SEZ6L2: variants seen among roughly 807,000 people sequenced by gnomAD.
The protein encoded by SEZ6L2 is seizure related 6 homolog like 2.
SEZ6L2 carries 44 observed loss-of-function variants against 97.0 expected under a neutral mutation model. The observed-to-expected ratio is 0.45, with a 90% CI of 0.36 to 0.58. SEZ6L2 has a LOEUF of 0.58. Among genes scored for constraint, SEZ6L2 ranks in the 20% least tolerant of loss-of-function variants. The pLI, the probability that SEZ6L2 is intolerant of heterozygous loss-of-function variation, is 0.00. For missense variants in SEZ6L2, 1,086 were observed against 1,233.3 expected (o/e 0.88, Z 1.79); for synonymous variants, 543 against 546.1 (o/e 0.99, Z 0.08).
rs2067905629 is a variant in SEZ6L2 at position 29,876,476 on chromosome 16, G to A, written c.2104+280C>T. 6.6e-6 allele frequency among the ~76,000 whole-genome samples: 1 copy of A among 152,130 alleles called. No homozygotes were observed. The highest frequency in any genetic ancestry group is 6.6e-5 in the Admixed American group (1 of 15,264). On this transcript the variant is annotated intron_variant, in intron 12 of 17. Transcript: ENST00000617533. This position sits in a 1 kb window ranked among gnomAD's most constrained non-coding sequence, Gnocchi z 6.5. ...GAGGGGTCAGGAGGGGACGGGGCGG[G>A]GCCGTGAGACGAGGAAACAGGGACC...
chr16:29,874,237 C>T (rs142139189), intron 12 of SEZ6L2, among the ~76,000 whole-genome samples: 1 of 152,176 alleles, frequency 6.6e-6, no homozygotes, highest in Non-Finnish European at 1.5e-5. Context: ...AAGCCCCTAT[C>T]CTGGGGTGAA....
Position 29,895,843 on chromosome 16 carries a change from T to C in SEZ6L2, c.529A>G (p.Ile177Val). 1 of 1,613,238 alleles carries C rather than the reference T, an allele frequency of 6.2e-7. No homozygotes were observed. The highest frequency in any genetic ancestry group is 1.1e-5 in the South Asian group (1 of 90,916). ...TCCACATACCCTTCGCCCTCGGAGA[T>C]GTTGTTATTACACAGAACTGAGGAG... ...VTSPVLCNNN[I>V]SEGEGYVESP... The change falls in exon 4 of 18, where the codon ATC (isoleucine) becomes GTC (valine). Residue 177 changes from isoleucine (I) to valine (V), a missense_variant. By Grantham distance (29) the Ile-to-Val change is conservative. Around this residue, in one of 2 missense-constraint regions of SEZ6L2, gnomAD observed 776 missense variants for 794.7 expected, o/e 0.98. Transcript: ENST00000617533.
Position 29,896,937 on chromosome 16 carries a change from T to TGGGGGGGGGG in SEZ6L2, c.395_396insCCCCCCCCCC (p.Ser136ThrfsTer15). 7.3e-7 allele frequency: 1 copy of TGGGGGGGGGG among 1,367,286 alleles called. No homozygotes were observed. The highest frequency in any genetic ancestry group is 1.0e-6 in the Non-Finnish European group (1 of 967,036). 84.7% of individuals were successfully genotyped at this position (1,367,286 alleles called of 1,614,324 possible). On this transcript the variant is annotated frameshift_variant, in exon 3 of 18. Transcript: ENST00000617533. LOFTEE classifies it high-confidence loss of function. ...CTGGGGAGGCAGGGCTGGGTGGGGGTGGGGCTGTGGTTCCTGGGGGCGGGG... is the reference window on the plus strand; with the variant it reads ...CTGGGGAGGCAGGGCTGGGTGGGGGTGGGGGGGGGGGGGGCTGTGGTTCCTGGGGGCGGGG...
rs1316245889 is a variant in SEZ6L2 at position 29,887,696 on chromosome 16, C to T, written c.1161G>A (p.Arg387=). The T allele has an allele frequency of 6.2e-7, 1 of 1,608,524 alleles. No individual in the cohort carries two copies. Among genetic ancestry groups the T allele is most frequent in the Non-Finnish European group, 8.5e-7 (1 of 1,176,672 alleles). ...AGACCCTTTCAAAGTGCAGGTGCAG[C>T]CGGCGCCCCTCAGCTGCTTCAATGA... ...RWVIEAAEGR[R]LHLHFERVSL... is the part of the protein sequence containing the mutation. The change falls in exon 7 of 18, where the codon CGG becomes CGA. Residue 387 remains arginine, a synonymous_variant. Coordinates refer to ENST00000617533, the MANE Select transcript of SEZ6L2 (RefSeq NM_001243332.2).
chr16:29,895,824 T>A lies in SEZ6L2; in HGVS notation c.548A>T (p.Tyr183Phe). The change falls in exon 4 of 18, where the codon TAT becomes TTT. Residue 183 changes from tyrosine to phenylalanine, a missense_variant. Coordinates refer to ENST00000617533, the MANE Select transcript of SEZ6L2 (RefSeq NM_001243332.2). ...CNNNISEGEG[Y>F]VESPDLGSPV... is the part of the protein sequence containing the mutation. ...GCTCCCCAGATCTGGAGACTCCACA[T>A]ACCCTTCGCCCTCGGAGATGTTGTT... 6.2e-7 allele frequency: 1 copy of A among 1,614,018 alleles called. No homozygotes were observed. Among genetic ancestry groups the A allele is most frequent in the Non-Finnish European group, 8.5e-7 (1 of 1,179,944 alleles).
At position 29,876,722 on chromosome 16, in the gene SEZ6L2, C is replaced by G. The variant is rs367584430; in HGVS notation, c.2104+34G>C. 1.3e-6 allele frequency: 2 copies of G among 1,486,802 alleles called. No homozygotes were observed. Among genetic ancestry groups the G allele is most frequent in the African/African-American group, 1.5e-5 (1 of 68,174 alleles). The allele number at this position is 1,486,802 out of a possible 1,614,324, so 92.1% of individuals were successfully genotyped here. On this transcript the variant is annotated intron_variant, in intron 12 of 17. Transcript: ENST00000617533. This position sits in a 1 kb window ranked among gnomAD's most constrained non-coding sequence, Gnocchi z 6.5. ...GACGACGGGGCCCACAGGGAAGGGG[C>G]GGGGCCGAGGGGACGCGGGCGGGGC...
intron 7 of SEZ6L2, among the ~76,000 whole-genome samples, chr16:29,886,511 T>TA (rs199751101): frequency 3.2e-4 from 47 of 145,572 alleles, no homozygotes; most frequent in East Asian, 1.0e-3. Context: ...CCAACTCTAC[T>TA]AAAAAAAAAA....
At position 29,872,482 on chromosome 16, in the gene SEZ6L2, G is replaced by A. The variant is rs1313309334; in HGVS notation, c.2572C>T (p.Leu858=). 1 of 1,614,228 alleles carries A rather than the reference G, an allele frequency of 6.2e-7. No homozygotes were observed. Among genetic ancestry groups the A allele is most frequent in the Non-Finnish European group, 8.5e-7 (1 of 1,180,040 alleles). The change falls in exon 16 of 18, where the codon CTG becomes TTG. Residue 858 remains leucine (L), a synonymous_variant. Transcript: ENST00000617533. ...AGAGGCAGCAGGATGGCCAGGGCCA[G>A]GTTCCCCCCTTCCAGCTGCCGTGAT... ...DPSRQLEGGN[L]ALAILLPLGL...
chr16:29,890,743 CTTTTTTTTTTTTT>C (rs71143763), intron 5 of SEZ6L2, among the ~76,000 whole-genome samples: 1 of 74,360 alleles, frequency 1.3e-5, no homozygotes, highest in African/African-American at 6.0e-5. Context: ...TAACCATTGT[CTTTTTTTTTTTTT>C]TTTTTTTTTT....
intron 11 of SEZ6L2, 114 bp downstream of exon 11, chr16:29,877,157 G>T (rs1181094077): frequency 2.4e-6 from 3 of 1,240,658 alleles, no homozygotes; most frequent in Non-Finnish European, 3.3e-6. Flanking sequence ...CGATCCTCCC[G>T]CCTCGGCCTC....
intron 8 of SEZ6L2, among the ~76,000 whole-genome samples, chr16:29,884,099 T>TCCA (rs1183676418): frequency 6.6e-6 from 1 of 152,052 alleles, no homozygotes; most frequent in African/African-American, 2.4e-5. Context: ...CCACTCCCAG[T>TCCA]CCACTAGGTT....
chr16:29,884,548 C>T (rs1342380488), intron 8 of SEZ6L2, among the ~76,000 whole-genome samples: 1 of 150,594 alleles, frequency 6.6e-6, no homozygotes, highest in Non-Finnish European at 1.5e-5. Flanking sequence ...GCTGAGATCG[C>T]GCCACTGCAC....
chr16:29,872,881 G>T, intron 14 of SEZ6L2, 138 bp from the exon 15 acceptor site: 1 of 712,874 alleles, frequency 1.4e-6, no homozygotes, highest in Non-Finnish European at 2.3e-6. Context: ...TTCTCCCTTT[G>T]TGGGGAAGAG....
intron 8 of SEZ6L2, 84 bp from the exon 9 acceptor site, chr16:29,880,148 GTTC>G: frequency 7.8e-7 from 1 of 1,289,964 alleles, no homozygotes; most frequent in African/African-American, 1.5e-5. Context: ...GAATTGGGGT[GTTC>G]TTTGGCCACT....
chr16:29,895,229 C>CATA, intron 5 of SEZ6L2, 30 bp downstream of exon 5: 1 of 1,585,202 alleles, frequency 6.3e-7, no homozygotes, highest in Non-Finnish European at 8.7e-7. Context: ...ATGGCCCCTG[C>CATA]CCTTCCAGCA....
In SEZ6L2 at chr16:29,873,657, C is replaced by T. The variant is rs2067836830; in HGVS notation, c.2177G>A (p.Gly726Asp). The change falls in exon 13 of 18, where the codon GGC becomes GAC. Residue 726 changes from glycine (G) to aspartate (D), a missense_variant. This residue lies in a region of SEZ6L2 where 310 missense variants were observed against 438.6 expected (regional missense o/e 0.71). Transcript: ENST00000617533. This position sits in a 1 kb window ranked among gnomAD's most constrained non-coding sequence, Gnocchi z 4.3. ...RTASDAGFPV[G>D]SHVQYRCLPG... ...CAGGCAGCGGTACTGGACGTGGGAG[C>T]CAACGGGGAAGCCGGCGTCCGAGGC... 1.9e-6 allele frequency: 3 copies of T among 1,613,604 alleles called. No homozygotes were observed. The East Asian group carries it at 6.7e-5, about 36-fold the overall frequency.
intron 8 of SEZ6L2, among the ~76,000 whole-genome samples, chr16:29,882,650 G>C (rs1378963266): frequency 6.6e-6 from 1 of 151,770 alleles, no homozygotes; most frequent in Admixed American, 6.6e-5. Flanking sequence ...TGCAATGGTG[G>C]GATCACAACT....
chr16:29,877,007 A>T, intron 11 of SEZ6L2, 57 bp from the exon 12 acceptor site: 2 of 1,525,898 alleles, frequency 1.3e-6, no homozygotes, highest in Non-Finnish European at 1.8e-6. Context: ...GCTCCCTTCC[A>T]GCCTCGGAGG....
intron 7 of SEZ6L2, 105 bp downstream of exon 7, chr16:29,887,544 C>A (rs993103940): frequency 8.6e-6 from 9 of 1,047,178 alleles, no homozygotes; most frequent in Non-Finnish European, 1.2e-5. Flanking sequence ...GATCTCCTGA[C>A]CTTGTGATCC....
Sources: gnomAD v4.1 joint callset for allele counts (sites outside exome capture counted in the v4.1 genomes callset) on GRCh38, gnomAD v4.1.1 for gene constraint, gnomAD v4.1.1 regional missense constraint, Gnocchi (gnomAD v3.1) non-coding constraint, MANE v1.5 for transcripts, NCBI Gene and HGNC (gene_info 2026-07-23, HGNC 2026-07-21) for gene names.